Variants in AGBL4 observed in about 807,000 individuals in gnomAD.
AGBL4 encodes the protein AGBL carboxypeptidase 4, also known as cytosolic carboxypeptidase 6.
In AGBL4, 58 loss-of-function variants were observed where a neutral mutation model predicts 66.4. The ratio of observed to expected loss-of-function variants is 0.87; its 90% CI spans 0.71 to 1.09. The LOEUF (loss-of-function observed/expected upper bound fraction) is 1.09, where lower values mean the gene tolerates loss of function less well. AGBL4 is among the 50% of genes least tolerant of loss of function. AGBL4 has a pLI of 0.00. For synonymous variants in AGBL4, 234 were observed against 222.9 expected (o/e 1.05, Z -0.44); for missense variants, 579 against 631.0 (o/e 0.92, Z 0.88).
At chr1:49,310,747 G>A (rs983839289) in intron 3 of AGBL4, among the ~76,000 whole-genome samples, 1 of 151,978 alleles carries the variant, frequency 6.6e-6, no homozygotes, top group African/African-American at 2.4e-5. Flanking sequence ...GCAGAAAACT[G>A]GCTGTGAAGT....
chr1:49,521,010 T>C (rs913051960), intron 3 of AGBL4, among the ~76,000 whole-genome samples: 6 of 152,038 alleles, frequency 3.9e-5, no homozygotes, highest in Non-Finnish European at 5.9e-5. Flanking sequence ...GGTTTCACCA[T>C]GTTGGCCAGG....
At position 49,129,499 on chromosome 1, in the gene AGBL4, C is replaced by T. The variant is rs187799506; in HGVS notation, c.378-83699G>A. 8.4e-4 allele frequency among the ~76,000 whole-genome samples: 126 copies of T among 150,388 alleles called. 2 individuals carry two copies. The East Asian group carries it at 0.016, about 19-fold the overall frequency. On this transcript the variant is annotated intron_variant, in intron 4 of 13. Coordinates refer to ENST00000371839, the MANE Select transcript of AGBL4 (RefSeq NM_032785.4). ...CCACAACAGTCCCCAGAGTGTGATG[C>T]TCCCCTTCCTGTGTCCATGTGTTCT...
intron 3 of AGBL4, among the ~76,000 whole-genome samples, chr1:49,434,992 CTT>C (rs886810449): frequency 3.3e-5 from 5 of 152,218 alleles, no homozygotes; most frequent in Admixed American, 3.3e-4. Context: ...GGAAGTCTCT[CTT>C]TCTCTCAGAT....
intron 11 of AGBL4, among the ~76,000 whole-genome samples, chr1:48,546,860 AACAAACACACACACAC>A (rs1223304225): frequency 4.7e-5 from 2 of 42,868 alleles, no homozygotes; most frequent in Non-Finnish European, 8.7e-5. Flanking sequence ...TAGTAAAACA[AACAAACACACACACAC>A]ACACACACAC....
chr1:48,585,553 C>T (rs571548257), intron 11 of AGBL4: 1 of 152,244 alleles, frequency 6.6e-6, no homozygotes, highest in Non-Finnish European at 1.5e-5. Context: ...ACCCACAGAC[C>T]CTCTTCCTCA....
intron 3 of AGBL4, among the ~76,000 whole-genome samples, chr1:49,405,080 C>G (rs1259786299): frequency 2.0e-5 from 3 of 152,112 alleles, no homozygotes; most frequent in Admixed American, 2.0e-4. Flanking sequence ...CAACTTTTGC[C>G]TATTCTCTCA....
chr1:49,280,471 T>C (rs534059347), intron 3 of AGBL4, among the ~76,000 whole-genome samples: 15 of 152,280 alleles, frequency 9.9e-5, no homozygotes, highest in Admixed American at 2.0e-4. Flanking sequence ...TACAGTCAAA[T>C]ACACATTCTA....
intron 6 of AGBL4, among the ~76,000 whole-genome samples, chr1:48,849,229 G>A (rs1307774697): frequency 1.3e-5 from 2 of 152,222 alleles, no homozygotes; most frequent in Non-Finnish European, 1.5e-5. Flanking sequence ...CCCCTGCTAT[G>A]TGCCAGGCCT....
chr1:49,175,985 T>A (rs1334221726), intron 4 of AGBL4, among the ~76,000 whole-genome samples: 2 of 152,076 alleles, frequency 1.3e-5, no homozygotes, highest in South Asian at 4.1e-4. Flanking sequence ...TGATCAGAAG[T>A]TTTTCCTGCC....
At chr1:48,536,224 G>T (rs1415850322) in intron 12 of AGBL4, among the ~76,000 whole-genome samples, 2 of 152,116 alleles carry the variant, frequency 1.3e-5, no homozygotes, top group Non-Finnish European at 2.9e-5. Context: ...AGAGGAAAAA[G>T]GATGTACAAA....
intron 6 of AGBL4, among the ~76,000 whole-genome samples, chr1:48,830,253 A>G (rs144793301): frequency 5.4e-4 from 83 of 152,348 alleles, no homozygotes; most frequent in Non-Finnish European, 1.1e-3. Context: ...GCTATATGCC[A>G]GGCAGTATCC....
At chr1:49,061,353 C>T (rs1644398147) in intron 4 of AGBL4, among the ~76,000 whole-genome samples, 1 of 152,100 alleles carries the variant, frequency 6.6e-6, no homozygotes, top group South Asian at 2.1e-4. Context: ...TGAGGAGATA[C>T]CCCTTGAATA....
At chr1:49,336,661 G>T (rs544592624) in intron 3 of AGBL4, among the ~76,000 whole-genome samples, 1 of 152,186 alleles carries the variant, frequency 6.6e-6, no homozygotes, top group South Asian at 2.1e-4. Context: ...TCTTTCATCA[G>T]TCCTCCCATG....
At chr1:49,537,719 T>C (rs539979651) in intron 3 of AGBL4, among the ~76,000 whole-genome samples, 1 of 152,144 alleles carries the variant, frequency 6.6e-6, no homozygotes, top group South Asian at 2.1e-4. Context: ...GGTCAGGAGA[T>C]CAAGACCATC....
At chr1:48,641,301 T>G (rs935518666) in intron 8 of AGBL4, among the ~76,000 whole-genome samples, 1 of 152,162 alleles carries the variant, frequency 6.6e-6, no homozygotes, top group African/African-American at 2.4e-5. Context: ...GCTTAGCATG[T>G]GGGTTGGGCT....
intron 9 of AGBL4, among the ~76,000 whole-genome samples, chr1:48,614,673 G>C (rs892906500): frequency 6.6e-6 from 1 of 152,128 alleles, no homozygotes; most frequent in Non-Finnish European, 1.5e-5. Flanking sequence ...CAGTCTTTTA[G>C]GTTGTTCTAT....
intron 1 of AGBL4, among the ~76,000 whole-genome samples, chr1:49,951,799 A>G (rs1328819119): frequency 6.6e-6 from 1 of 151,982 alleles, no homozygotes; most frequent in Admixed American, 6.6e-5. Flanking sequence ...TACATTGTAC[A>G]CTGTAACTAT....
At chr1:49,029,306 T>C (rs561594396) in intron 5 of AGBL4, among the ~76,000 whole-genome samples, 1 of 152,190 alleles carries the variant, frequency 6.6e-6, no homozygotes, top group Non-Finnish European at 1.5e-5. Context: ...TCTTGTGTTT[T>C]AATCTTAAGG....
In AGBL4 at chr1:48,593,708, G is replaced by A. The variant is rs185982778; in HGVS notation, c.952-2723C>T. ...GGAGGGTGCAGTGAGCCGAGATCAC[G>A]CCATTGCACTCCAGCCTGGGCGACA... On this transcript the variant is annotated intron_variant, in intron 9 of 13. Coordinates refer to ENST00000371839, the MANE Select transcript of AGBL4 (RefSeq NM_032785.4). Among the ~76,000 whole-genome samples, 139 of 152,120 alleles carry A rather than the reference G, an allele frequency of 9.1e-4. 1 individual carries two copies. Among genetic ancestry groups the A allele is most frequent in the South Asian group, 5.2e-3 (25 of 4,818 alleles).
Sources: gnomAD v4.1 joint callset for allele counts (sites outside exome capture counted in the v4.1 genomes callset) on GRCh38, gnomAD v4.1.1 for gene constraint, MANE v1.5 for transcripts, NCBI Gene and HGNC (gene_info 2026-07-23, HGNC 2026-07-21) for gene names.